Variants in LHFPL4 observed in about 807,000 individuals in gnomAD.
LHFPL4 encodes the protein LHFPL tetraspan subfamily member 4 protein.
Under a neutral mutation model 20.0 loss-of-function variants are expected in LHFPL4, and 6 were observed. That is an observed-to-expected ratio of 0.30 (90% CI 0.16 to 0.59). The LOEUF (loss-of-function observed/expected upper bound fraction) is 0.59, where lower values mean the gene tolerates loss of function less well. Ranked by LOEUF, LHFPL4 falls within the 20% of genes least tolerant of loss-of-function variation. LHFPL4 has a pLI of 0.88. For missense variants in LHFPL4, 215 were observed against 331.2 expected (o/e 0.65, Z 2.72); for synonymous variants, 129 against 143.8 (o/e 0.90, Z 0.74).
Position 9,502,326 on chromosome 3 carries a change from G to T in LHFPL4, c.644-15C>A. The T allele has an allele frequency of 1.3e-6, 2 of 1,555,570 alleles. No homozygotes were observed. Among genetic ancestry groups the T allele is most frequent in the Non-Finnish European group, 1.8e-6 (2 of 1,127,054 alleles). On this transcript the variant is annotated splice_polypyrimidine_tract_variant and intron_variant, in intron 3 of 3. Transcript: ENST00000287585. Reference sequence around the variant, plus strand: ...GCCCACAAAATCTAAGAGAGAGAGAGAGAGAGAGAAGGAGAGAGAATTAGA... The same window carrying T: ...GCCCACAAAATCTAAGAGAGAGAGATAGAGAGAGAAGGAGAGAGAATTAGA...
At chr3:9,510,573 C>T (rs2046251318) in intron 2 of LHFPL4, among the ~76,000 whole-genome samples, 1 of 152,044 alleles carries the variant, frequency 6.6e-6, no homozygotes, top group Non-Finnish European at 1.5e-5. Flanking sequence ...CTCCAAGCAG[C>T]CAGGAGGTGT....
chr3:9,508,230 G>C (rs998167822), intron 2 of LHFPL4, among the ~76,000 whole-genome samples: 1 of 152,006 alleles, frequency 6.6e-6, no homozygotes, highest in African/African-American at 2.4e-5. Context: ...CCTTCTCATC[G>C]TGGCACTGCC....
Position 9,502,184 on chromosome 3 carries a change from C to T in LHFPL4, c.*27G>A, listed in dbSNP as rs781473798. On this transcript the variant is annotated 3_prime_UTR_variant, in exon 4 of 4. Coordinates refer to ENST00000287585, the MANE Select transcript of LHFPL4 (RefSeq NM_198560.3). ...AAGGCAGGACAAGCTGAGGTCAGGC[C>T]AATTACTGGGCTGTGATCCTGGCCT... 62 of 1,546,272 alleles carry T rather than the reference C, an allele frequency of 4.0e-5. No homozygotes were observed. Among genetic ancestry groups the T allele is most frequent in the Non-Finnish European group, 5.5e-5 (61 of 1,118,486 alleles).
intron 2 of LHFPL4, among the ~76,000 whole-genome samples, chr3:9,526,045 A>C (rs2046372792): frequency 6.6e-6 from 1 of 152,228 alleles, no homozygotes; most frequent in Non-Finnish European, 1.5e-5. Context: ...ATTGAACCTT[A>C]AAAAGGAAAG....
At chr3:9,505,161 C>T (rs187304218) in intron 3 of LHFPL4, among the ~76,000 whole-genome samples, 1 of 152,250 alleles carries the variant, frequency 6.6e-6, no homozygotes, top group African/African-American at 2.4e-5. Flanking sequence ...GGTTTGTACC[C>T]GAGGTGGGTT....
intron 2 of LHFPL4, among the ~76,000 whole-genome samples, chr3:9,510,825 C>T (rs1305126597): frequency 6.6e-6 from 1 of 151,860 alleles, no homozygotes; most frequent in Non-Finnish European, 1.5e-5. Context: ...GTAATCCCAG[C>T]TACTCAGGAG....
At chr3:9,521,207 A>G (rs1301293284) in intron 2 of LHFPL4, among the ~76,000 whole-genome samples, 3 of 145,492 alleles carry the variant, frequency 2.1e-5, no homozygotes, top group Non-Finnish European at 4.5e-5. Context: ...AGCCACTCTC[A>G]TTTCCTTTTC....
In LHFPL4 at chr3:9,506,011, C is replaced by T. The variant is rs1178285020; in HGVS notation, c.599G>A (p.Arg200Gln). 6 of 1,614,198 alleles carry T rather than the reference C, an allele frequency of 3.7e-6. No individual in the cohort carries two copies. The highest frequency in any genetic ancestry group is 1.6e-4 in the Middle Eastern group (1 of 6,062). Residue 200 changes from arginine to glutamine, a missense_variant, in exon 3 of 4, where the codon CGG (arginine) becomes CAG (glutamine). Around this residue, in one of 2 missense-constraint regions of LHFPL4, gnomAD observed 164 missense variants for 286.7 expected, o/e 0.57. Transcript: ENST00000287585. This position sits in a 1 kb window ranked among gnomAD's most constrained non-coding sequence, Gnocchi z 4.5. ...CTCCTCCTGCAGCAGGTCTGTTTGCCGGTTGCCCAGCACGAAGGCGAGGAA... is the reference window on the plus strand; with the variant it reads ...CTCCTCCTGCAGCAGGTCTGTTTGCTGGTTGCCCAGCACGAAGGCGAGGAA... Reference protein sequence around the residue: ...LSFLAFVLGNRQTDLLQEELK... With the variant: ...LSFLAFVLGNQQTDLLQEELK...
intron 2 of LHFPL4, among the ~76,000 whole-genome samples, chr3:9,522,144 CAA>C (rs1384936832): frequency 6.6e-6 from 1 of 151,706 alleles, no homozygotes; most frequent in African/African-American, 2.4e-5. Flanking sequence ...ACAGGCAGTA[CAA>C]GTACCTTATT....
At chr3:9,521,381 T>A (rs1222554139) in intron 2 of LHFPL4, among the ~76,000 whole-genome samples, 1 of 151,490 alleles carries the variant, frequency 6.6e-6, no homozygotes, top group Non-Finnish European at 1.5e-5. Context: ...TGCACCACCA[T>A]GCTTGGCTAA....
chr3:9,503,893 G>A (rs1035865908), intron 3 of LHFPL4, among the ~76,000 whole-genome samples: 8 of 152,082 alleles, frequency 5.3e-5, no homozygotes, highest in African/African-American at 1.4e-4. Flanking sequence ...AGGCGTGGTG[G>A]CGCATGCCTG....
chr3:9,514,982 T>A (rs919274963), intron 2 of LHFPL4, among the ~76,000 whole-genome samples: 1 of 152,234 alleles, frequency 6.6e-6, no homozygotes, highest in African/African-American at 2.4e-5. Context: ...GAGGTTTTGG[T>A]GTAGACATGA....
chr3:9,528,655 G>A (rs1277057914), intron 2 of LHFPL4, among the ~76,000 whole-genome samples: 6 of 151,966 alleles, frequency 3.9e-5, no homozygotes, highest in Non-Finnish European at 5.9e-5. Flanking sequence ...TTGCTCTGTC[G>A]CCCAGGCTGT....
At chr3:9,532,388 C>G (rs995460957) in intron 2 of LHFPL4, among the ~76,000 whole-genome samples, 1 of 151,610 alleles carries the variant, frequency 6.6e-6, no homozygotes, top group East Asian at 1.9e-4. Context: ...TCACCCAGGC[C>G]GGAGTACAGT....
chr3:9,512,882 G>A (rs557584262), intron 2 of LHFPL4, among the ~76,000 whole-genome samples: 4 of 152,342 alleles, frequency 2.6e-5, no homozygotes, highest in African/African-American at 7.2e-5. Context: ...CATAAAGCAG[G>A]AAGTTTCTAA....
rs187230134 is a variant in LHFPL4, at chr3:9,499,974, C to A, written c.*2237G>T. 129 of 152,544 alleles carry A rather than the reference C, an allele frequency of 8.5e-4. 1 individual carries two copies. The highest frequency in any genetic ancestry group is 7.7e-3 in the Admixed American group (118 of 15,242). The allele number at this position is 152,544 out of a possible 1,614,324, so 9.4% of individuals were successfully genotyped here. A position where few individuals can be genotyped will look rare whatever the true frequency, so the allele number is the denominator to read the frequency against. On this transcript the variant is annotated 3_prime_UTR_variant, in exon 4 of 4. Transcript: ENST00000287585. ...GCCTTTTCATCCATTTCCCCTCCCC[C>A]ACCCCAAGCTCTCGGGCAGCCTCTC...
chr3:9,517,222 C>A (rs372978105), intron 2 of LHFPL4, among the ~76,000 whole-genome samples: 1 of 152,080 alleles, frequency 6.6e-6, no homozygotes, highest in African/African-American at 2.4e-5. Flanking sequence ...ACTTTAAAAT[C>A]AGTTTGCTAA....
chr3:9,512,012 A>T (rs1195166635), intron 2 of LHFPL4, among the ~76,000 whole-genome samples: 1 of 151,476 alleles, frequency 6.6e-6, no homozygotes, highest in Non-Finnish European at 1.5e-5. Flanking sequence ...GGCTCACCGC[A>T]AGTTCCGCCT....
chr3:9,518,962 G>GTC (rs55935471), intron 2 of LHFPL4, among the ~76,000 whole-genome samples: 24,547 of 133,644 alleles, frequency 0.18, 2,033 homozygotes, highest in Non-Finnish European at 0.2. Flanking sequence ...TAGAGACAGA[G>GTC]TCTCTCTCTC....
Sources: allele counts gnomAD v4.1 joint callset (sites outside exome capture counted in the v4.1 genomes callset), GRCh38; gene constraint gnomAD v4.1.1; regional missense constraint gnomAD v4.1.1; non-coding constraint Gnocchi (gnomAD v3.1); transcripts MANE v1.5; gene names NCBI Gene and HGNC (gene_info 2026-07-23, HGNC 2026-07-21).